The following GFM1 variants were observed in gnomAD, a reference collection of about 807,000 sequenced individuals.
GFM1 encodes the protein G elongation factor mitochondrial 1.
In GFM1, 62 loss-of-function variants were observed where a neutral mutation model predicts 96.2. The observed-to-expected ratio is 0.64, with a 90% CI of 0.53 to 0.80. The LOEUF is 0.80. Ranked by LOEUF, GFM1 falls within the 30% of genes least tolerant of loss-of-function variation. The pLI, the probability that GFM1 is intolerant of heterozygous loss-of-function variation, is 0.00. For missense variants in GFM1, 852 were observed against 916.6 expected (o/e 0.93, Z 0.91); for synonymous variants, 282 against 312.9 (o/e 0.90, Z 1.04).
At chr3:158,653,998 C>T (rs191048579) in intron 7 of GFM1, among the ~76,000 whole-genome samples, 10 of 151,808 alleles carry the variant, frequency 6.6e-5, no homozygotes, top group Non-Finnish European at 1.0e-4. Flanking sequence ...TGGAACCTGG[C>T]GGGGCAGAGG....
At chr3:158,667,047 C>A in intron 13 of GFM1, 1 of 1,594,582 alleles carries the variant, frequency 6.3e-7, no homozygotes, top group South Asian at 1.2e-5. Context: ...ATGGTGTAGT[C>A]TAATTCAATA....
intron 5 of GFM1, chr3:158,649,892 C>G: frequency 1.2e-6 from 1 of 845,204 alleles, no homozygotes; most frequent in Non-Finnish European, 1.9e-6. Flanking sequence ...TGATGCTGCT[C>G]TTACAGGTCT....
intron 10 of GFM1, among the ~76,000 whole-genome samples, chr3:158,661,477 AAGGCAAT>A (rs1723190342): frequency 1.3e-5 from 2 of 152,336 alleles, no homozygotes; most frequent in African/African-American, 4.8e-5. Flanking sequence ...CCAGGCTCAG[AAGGCAAT>A]AGGCAATATG....
rs973699666 is a variant in GFM1, at chr3:158,644,607, G to T, written c.-28G>T. Reference sequence around the variant, plus strand: ...GCAGCTGAACCCACCCGGCGCCACGGGACTTTGACGCGTGCTCTGCGCTTG... The same window carrying T: ...GCAGCTGAACCCACCCGGCGCCACGTGACTTTGACGCGTGCTCTGCGCTTG... On this transcript the variant is annotated 5_prime_UTR_variant, in exon 1 of 18. Coordinates refer to ENST00000486715, the MANE Select transcript of GFM1 (RefSeq NM_024996.7). The T allele has an allele frequency of 1.3e-6, 2 of 1,553,770 alleles. No homozygotes were observed. The highest frequency in any genetic ancestry group is 1.7e-6 in the Non-Finnish European group (2 of 1,148,328).
At chr3:158,651,080 A>G (rs1296438196) in intron 5 of GFM1, 1 of 151,708 alleles carries the variant, frequency 6.6e-6, no homozygotes, top group East Asian at 1.9e-4. Context: ...CTGCTTTTAA[A>G]TATCATGTCA....
chr3:158,658,908 A>G lies in GFM1; in HGVS notation c.1084-14A>G. The G allele has an allele frequency of 6.2e-7, 1 of 1,613,960 alleles. No individual in the cohort carries two copies. Among genetic ancestry groups the G allele is most frequent in the Non-Finnish European group, 8.5e-7 (1 of 1,179,880 alleles). ...TTTTTATTCTTCCTGCCCTTACCCA[A>G]TCTTGACTTCTAGGTAGGTCGATTT... is the stretch of plus-strand genomic sequence containing the variant. On this transcript the variant is annotated splice_polypyrimidine_tract_variant and intron_variant, in intron 8 of 17. Transcript: ENST00000486715.
chr3:158,660,996 G>A, intron 10 of GFM1, 21 bp downstream of exon 10: 1 of 1,565,106 alleles, frequency 6.4e-7, no homozygotes, highest in South Asian at 1.1e-5. Flanking sequence ...TAATTTCAAA[G>A]CTACTTATCA....
chr3:158,675,922 T>C (rs1724848030), intron 13 of GFM1, among the ~76,000 whole-genome samples: 1 of 152,260 alleles, frequency 6.6e-6, no homozygotes, highest in Admixed American at 6.5e-5. Flanking sequence ...TTGGTTGTTA[T>C]ATATGTGTTG....
chr3:158,678,550 AGAAGTGGAACCT>A (rs1322250290), intron 13 of GFM1, among the ~76,000 whole-genome samples: 4 of 152,274 alleles, frequency 2.6e-5, no homozygotes, highest in African/African-American at 9.6e-5. Context: ...CAGGAGAATT[AGAAGTGGAACCT>A]GAAGATGTGA....
intron 13 of GFM1, among the ~76,000 whole-genome samples, chr3:158,678,327 T>G (rs765616566): frequency 3.0e-4 from 45 of 152,176 alleles, no homozygotes; most frequent in Non-Finnish European, 4.3e-4. Flanking sequence ...CTGCCATAGG[T>G]TGATTCCTCT....
intron 10 of GFM1, 144 bp from the exon 11 acceptor site, chr3:158,662,483 TC>T: frequency 1.6e-6 from 1 of 621,460 alleles, no homozygotes; most frequent in Non-Finnish European, 2.9e-6. Flanking sequence ...GCAAAACAGA[TC>T]AAGATATATG....
intron 15 of GFM1, among the ~76,000 whole-genome samples, chr3:158,685,697 T>G (rs1725780423): frequency 6.6e-6 from 1 of 152,148 alleles, no homozygotes; most frequent in African/African-American, 2.4e-5. Flanking sequence ...AGCTCTCTAT[T>G]AAAAATGCAG....
chr3:158,682,210 C>G, intron 14 of GFM1, 53 bp downstream of exon 14: 1 of 1,425,126 alleles, frequency 7.0e-7, no homozygotes, highest in South Asian at 1.2e-5. Context: ...AACAGTTTAT[C>G]AGGTATTAAA....
chr3:158,691,301 A>C, intron 17 of GFM1, 35 bp from the exon 18 acceptor site: 1 of 1,582,868 alleles, frequency 6.3e-7, no homozygotes, highest in South Asian at 1.1e-5. Flanking sequence ...ACAAACAAAC[A>C]AACAAAAAAC....
chr3:158,681,879 C>T, intron 13 of GFM1, 116 bp from the exon 14 acceptor site: 1 of 867,878 alleles, frequency 1.2e-6, no homozygotes, highest in South Asian at 1.6e-5. Flanking sequence ...ATAGCAAGAC[C>T]ATCATATTCA....
chr3:158,647,970 T>A (rs778492867), intron 4 of GFM1, among the ~76,000 whole-genome samples: 4 of 152,216 alleles, frequency 2.6e-5, no homozygotes, highest in Non-Finnish European at 4.4e-5. Flanking sequence ...TGTCTCCTTC[T>A]CATTTTGGAT....
At chr3:158,671,036 G>A (rs766856390) in intron 13 of GFM1, 1 of 1,508,680 alleles carries the variant, frequency 6.6e-7, no homozygotes, top group South Asian at 1.3e-5. Context: ...TTAAGAAAAT[G>A]TAGTGGAGAC....
chr3:158,682,376 G>A, intron 14 of GFM1: 1 of 520,752 alleles, frequency 1.9e-6, no homozygotes, highest in South Asian at 2.4e-5. Context: ...AAATTATTAT[G>A]TTTCTGAATC....
chr3:158,644,860 C>A, intron 1 of GFM1, 145 bp downstream of exon 1: 1 of 727,076 alleles, frequency 1.4e-6, no homozygotes, highest in South Asian at 1.5e-5. Flanking sequence ...TGAAAAGCAC[C>A]TCGGTGCCTG....
Sources: gnomAD v4.1 joint callset for allele counts (sites outside exome capture counted in the v4.1 genomes callset) on GRCh38, gnomAD v4.1.1 for gene constraint, MANE v1.5 for transcripts, NCBI Gene and HGNC (gene_info 2026-07-23, HGNC 2026-07-21) for gene names.